Variants in TMTC3 observed in about 807,000 individuals in gnomAD.
The protein encoded by TMTC3 is protein O-mannosyl-transferase TMTC3.
A neutral mutation model predicts 92.2 loss-of-function variants in TMTC3; 52 were observed. The observed-to-expected ratio is 0.56, with a 90% confidence interval of 0.45 to 0.71. The LOEUF (loss-of-function observed/expected upper bound fraction) is 0.71, where lower values mean the gene tolerates loss of function less well. Ranked by LOEUF, TMTC3 falls within the 30% of genes least tolerant of loss-of-function variation. The pLI, the probability that TMTC3 is intolerant of heterozygous loss-of-function variation, is 0.00. For missense variants in TMTC3, 896 were observed against 1,057.1 expected (o/e 0.85, Z 2.11); for synonymous variants, 339 against 363.3 (o/e 0.93, Z 0.76).
intron 10 of TMTC3, among the ~76,000 whole-genome samples, chr12:88,183,627 C>T (rs1413673439): frequency 1.3e-5 from 2 of 151,988 alleles, no homozygotes; most frequent in African/African-American, 4.8e-5. Context: ...CTGTGTAGTG[C>T]GGGACCAAAG....
intron 2 of TMTC3, among the ~76,000 whole-genome samples, chr12:88,149,402 G>C (rs1279530941): frequency 1.3e-5 from 2 of 152,068 alleles, no homozygotes; most frequent in Non-Finnish European, 2.9e-5. Context: ...TAATTTTCCT[G>C]ATCTGTAAAA....
intron 4 of TMTC3, among the ~76,000 whole-genome samples, chr12:88,156,233 T>C (rs2041007827): frequency 6.6e-6 from 1 of 152,266 alleles, no homozygotes; most frequent in Admixed American, 6.5e-5. Flanking sequence ...TTGAGTTGTT[T>C]TGGCTTGTGA....
intron 3 of TMTC3, among the ~76,000 whole-genome samples, chr12:88,153,796 C>A (rs1341620239): frequency 6.6e-6 from 1 of 151,668 alleles, no homozygotes; most frequent in Non-Finnish European, 1.5e-5. Flanking sequence ...GTTCTTCGGT[C>A]ACTTTTTTTA....
At chr12:88,174,152 C>T (rs1286313150) in intron 8 of TMTC3, among the ~76,000 whole-genome samples, 2 of 152,004 alleles carry the variant, frequency 1.3e-5, no homozygotes, top group African/African-American at 4.8e-5. Flanking sequence ...ACAATTCTAG[C>T]TTTACAATAG....
intron 4 of TMTC3, among the ~76,000 whole-genome samples, chr12:88,159,623 T>G (rs1215464624): frequency 6.6e-6 from 1 of 151,628 alleles, no homozygotes; most frequent in Non-Finnish European, 1.5e-5. Context: ...CACACCACTG[T>G]ACTTACTCCA....
Position 88,198,975 on chromosome 12 carries a change from A to T in TMTC3, c.*3326A>T, listed in dbSNP as rs959764068. On this transcript the variant is annotated 3_prime_UTR_variant, in exon 14 of 14. Transcript: ENST00000266712. ...TGTATGCATTTTATATTACTATGGT[A>T]TCTGTGTACCATATTTCTAAGTATT... The T allele has an allele frequency of 6.6e-6, 1 of 152,112 alleles. No individual in the cohort carries two copies. Among genetic ancestry groups the T allele is most frequent in the Non-Finnish European group, 1.5e-5 (1 of 67,972 alleles). The allele number at this position is 152,112 out of a possible 1,614,324, so 9.4% of individuals were successfully genotyped here.
intron 4 of TMTC3, among the ~76,000 whole-genome samples, chr12:88,155,031 A>G (rs2138370826): frequency 6.6e-6 from 1 of 152,350 alleles, no homozygotes; most frequent in Non-Finnish European, 1.5e-5. Context: ...CAAGAAGACT[A>G]GTTTTATGTG....
intron 8 of TMTC3, among the ~76,000 whole-genome samples, chr12:88,174,181 T>G (rs746728197): frequency 6.6e-6 from 1 of 152,178 alleles, no homozygotes; most frequent in East Asian, 1.9e-4. Flanking sequence ...ACCAAAAATA[T>G]CATGATAGTC....
intron 7 of TMTC3, among the ~76,000 whole-genome samples, chr12:88,172,297 C>T (rs114929245): frequency 0.012 from 1,879 of 152,044 alleles, 51 homozygotes; most frequent in African/African-American, 0.043. Flanking sequence ...CACTCCCAAA[C>T]ACACCTAGAA....
In TMTC3 at chr12:88,172,570, T is replaced by C. The variant is rs1407948404; in HGVS notation, c.1051-27T>C. 5.6e-6 allele frequency: 7 copies of C among 1,257,376 alleles called. No homozygotes were observed. The East Asian group carries it at 2.0e-4, about 36-fold the overall frequency. The allele number at this position is 1,257,376 out of a possible 1,614,324, so 77.9% of individuals were successfully genotyped here. ...AAATTATTTTAAATTTATTATAAAT[T>C]ATTAAATCTTCTTTTTTTTTTTGTA... On this transcript the variant is annotated intron_variant, in intron 7 of 13. Transcript: ENST00000266712.
intron 10 of TMTC3, 121 bp from the exon 11 acceptor site, chr12:88,188,722 T>C (rs1400790229): frequency 7.6e-6 from 4 of 524,064 alleles, no homozygotes; most frequent in Non-Finnish European, 1.3e-5. Flanking sequence ...TCTGGAAATA[T>C]GTCTTCTCAT....
intron 2 of TMTC3, among the ~76,000 whole-genome samples, chr12:88,149,109 A>G (rs1018246807): frequency 2.6e-5 from 4 of 152,172 alleles, no homozygotes; most frequent in Admixed American, 2.0e-4. Flanking sequence ...TTTCTCTTGC[A>G]GAAGAAGTGG....
chr12:88,149,810 A>G (rs912384151), intron 2 of TMTC3, among the ~76,000 whole-genome samples: 1 of 152,092 alleles, frequency 6.6e-6, no homozygotes, highest in African/African-American at 2.4e-5. Flanking sequence ...TTCTCACCCA[A>G]TTCTAGCTTT....
chr12:88,153,267 T>A (rs773125580), intron 2 of TMTC3, 24 bp from the exon 3 acceptor site: 1 of 1,567,814 alleles, frequency 6.4e-7, no homozygotes, highest in South Asian at 1.2e-5. Context: ...ACTTTAATAA[T>A]CACTGATCGT....
Position 88,195,431 on chromosome 12 carries a change from A to T in TMTC3, c.2527A>T (p.Thr843Ser). Residue 843 changes from threonine (T) to serine (S), a missense_variant, in exon 14 of 14, where the codon ACT (threonine) becomes TCT (serine). Coordinates refer to ENST00000266712, the MANE Select transcript of TMTC3 (RefSeq NM_181783.4). ...AAGTGTGGAAGGAAAGAAAATTCCA[A>T]CTGAAAGTGTAAAAGAAATTAGAGG... ...ISSVEGKKIP[T>S]ESVKEIRGES... 1.2e-6 allele frequency: 2 copies of T among 1,613,488 alleles called. No individual in the cohort carries two copies. Among genetic ancestry groups the T allele is most frequent in the South Asian group, 1.1e-5 (1 of 90,902 alleles).
intron 1 of TMTC3, among the ~76,000 whole-genome samples, chr12:88,147,477 C>T (rs563524262): frequency 6.6e-5 from 10 of 152,036 alleles, no homozygotes; most frequent in Non-Finnish European, 1.2e-4. Flanking sequence ...ATATAGCTGT[C>T]CTATATTGGA....
chr12:88,181,727 T>G (rs1237065823), intron 10 of TMTC3, among the ~76,000 whole-genome samples: 2 of 152,062 alleles, frequency 1.3e-5, no homozygotes, highest in Non-Finnish European at 2.9e-5. Flanking sequence ...TTAACAATAT[T>G]GATAAGCTGA....
intron 1 of TMTC3, among the ~76,000 whole-genome samples, chr12:88,143,254 C>T (rs1271900597): frequency 6.6e-6 from 1 of 151,538 alleles, no homozygotes; most frequent in African/African-American, 2.4e-5. Context: ...TTTTTAAACC[C>T]CCAATTTGGG....
intron 11 of TMTC3, among the ~76,000 whole-genome samples, chr12:88,189,320 C>T (rs1055272010): frequency 6.6e-6 from 1 of 152,000 alleles, no homozygotes; most frequent in Non-Finnish European, 1.5e-5. Context: ...TCTCGAACTC[C>T]AGACCTCGTG....
Sources: allele counts gnomAD v4.1 joint callset (sites outside exome capture counted in the v4.1 genomes callset), GRCh38; gene constraint gnomAD v4.1.1; transcripts MANE v1.5; gene names NCBI Gene and HGNC (gene_info 2026-07-23, HGNC 2026-07-21).